Variants in EDIL3 observed in about 807,000 individuals in gnomAD.
The protein encoded by EDIL3 is EGF like and discoidin domains 3, also known as EGF-like repeat and discoidin I-like domain-containing protein 3.
EDIL3 carries 37 observed loss-of-function variants against 67.4 expected under a neutral mutation model. That is an observed-to-expected ratio of 0.55 (90% CI 0.42 to 0.72). The LOEUF (loss-of-function observed/expected upper bound fraction) is 0.72. Among genes scored for constraint, EDIL3 ranks in the 30% least tolerant of loss-of-function variants. The pLI is 0.00. For missense variants in EDIL3, 527 were observed against 586.3 expected, an observed-to-expected ratio of 0.90 and a Z score of 1.04; for synonymous variants, 195 against 196.3, an observed-to-expected ratio of 0.99 and a Z score of 0.05.
chr5:83,979,761 A>C (rs1220333769), intron 9 of EDIL3, among the ~76,000 whole-genome samples: 1 of 152,136 alleles, frequency 6.6e-6, no homozygotes, highest in African/African-American at 2.4e-5. Flanking sequence ...CAACTGTCCC[A>C]GGACCTCCTG....
At chr5:84,368,120 C>T (rs1425365120) in intron 1 of EDIL3, among the ~76,000 whole-genome samples, 5 of 152,044 alleles carry the variant, frequency 3.3e-5, no homozygotes, top group African/African-American at 1.2e-4. Context: ...TCAGAGGATG[C>T]TTTTTTACAA....
At chr5:84,136,938 G>A (rs934985472) in intron 5 of EDIL3, among the ~76,000 whole-genome samples, 9 of 152,002 alleles carry the variant, frequency 5.9e-5, no homozygotes, top group African/African-American at 1.9e-4. Flanking sequence ...TGGAACTTGA[G>A]TATCTGAGGA....
At chr5:84,382,969 G>A (rs1424453837) in intron 1 of EDIL3, among the ~76,000 whole-genome samples, 3 of 152,158 alleles carry the variant, frequency 2.0e-5, no homozygotes, top group Non-Finnish European at 4.4e-5. Flanking sequence ...GGCTTCTTGG[G>A]CGAACAGTCG....
At chr5:84,354,292 A>G (rs1580096690) in intron 1 of EDIL3, among the ~76,000 whole-genome samples, 1 of 152,098 alleles carries the variant, frequency 6.6e-6, no homozygotes, top group Non-Finnish European at 1.5e-5. Context: ...AATGTCTCTA[A>G]CTGCCAATGA....
chr5:84,114,573 G>A (rs890923752), intron 5 of EDIL3, among the ~76,000 whole-genome samples: 1 of 152,128 alleles, frequency 6.6e-6, no homozygotes, highest in Non-Finnish European at 1.5e-5. Context: ...TTGCTTCTTT[G>A]TATTGGGGTA....
At chr5:84,182,898 A>G (rs1420662971) in intron 3 of EDIL3, among the ~76,000 whole-genome samples, 1 of 152,204 alleles carries the variant, frequency 6.6e-6, no homozygotes, top group Non-Finnish European at 1.5e-5. Flanking sequence ...TATCAATTAA[A>G]TTATCTAACA....
chr5:84,087,770 T>C lies in EDIL3; in HGVS notation c.651+18879A>G, dbSNP rs139854450. 7.6e-4 allele frequency among the ~76,000 whole-genome samples: 116 copies of C among 152,290 alleles called. 2 individuals carry two copies. The highest frequency in any genetic ancestry group is 2.8e-3 in the African/African-American group (116 of 41,568). ...AAAAGAACAAGAAGCTGTGAAAATA[T>C]ATATTAGAATGGAATCTAGTTGAGG... is the stretch of plus-strand genomic sequence containing the variant. On this transcript the variant is annotated intron_variant, in intron 6 of 10. Coordinates refer to ENST00000296591, the MANE Select transcript of EDIL3 (RefSeq NM_005711.5).
chr5:84,256,148 C>CTATCATCTATCT (rs3046886), intron 1 of EDIL3, among the ~76,000 whole-genome samples: 4 of 146,544 alleles, frequency 2.7e-5, no homozygotes, highest in East Asian at 2.1e-4. Context: ...ATCTATCTAT[C>CTATCATCTATCT]ATCTATCTAT....
Position 83,963,205 on chromosome 5 carries a change from CTT to C in EDIL3, c.1291_1292del (p.Lys431GlyfsTer7). The C allele has an allele frequency of 6.3e-7, 1 of 1,588,880 alleles. No homozygotes were observed. Among genetic ancestry groups the C allele is most frequent in the Non-Finnish European group, 8.5e-7 (1 of 1,169,972 alleles). ...TTATAAACCGATTTGGCTGACTTACCTTATCTTTTCTTTGCTTTTCATCCTGG... is the reference window on the plus strand; with the variant it reads ...TTATAAACCGATTTGGCTGACTTACCATCTTTTCTTTGCTTTTCATCCTGG... ...VYQDEKQRKDKVFQGNFDNDT... is the reference protein window; with the variant it reads ...VYQDEKQRKDXVFQGNFDNDT... On this transcript the variant is annotated frameshift_variant and splice_region_variant, in exon 10 of 11. Transcript: ENST00000296591. LOFTEE classifies it high-confidence loss of function.
At chr5:84,302,876 A>G (rs531718418) in intron 1 of EDIL3, among the ~76,000 whole-genome samples, 37 of 152,364 alleles carry the variant, frequency 2.4e-4, no homozygotes, top group African/African-American at 8.7e-4. Context: ...TAGCAGAAAT[A>G]GTAAAAATAT....
intron 6 of EDIL3, among the ~76,000 whole-genome samples, chr5:84,093,350 A>G (rs538153328): frequency 6.6e-6 from 1 of 152,286 alleles, no homozygotes; most frequent in Admixed American, 6.5e-5. Context: ...GCAAACAATG[A>G]CTATAAAGGT....
intron 1 of EDIL3, among the ~76,000 whole-genome samples, chr5:84,370,375 T>A (rs1377249416): frequency 6.6e-6 from 1 of 152,190 alleles, no homozygotes; most frequent in Admixed American, 6.5e-5. Context: ...CTTCTGCTTT[T>A]AGCAGGTGTG....
chr5:84,085,368 G>C (rs948750968), intron 6 of EDIL3, among the ~76,000 whole-genome samples: 2 of 152,092 alleles, frequency 1.3e-5, no homozygotes, highest in Non-Finnish European at 2.9e-5. Context: ...TTTTTGTGTG[G>C]GGGTCTTTTT....
chr5:84,092,063 C>T (rs1020188089), intron 6 of EDIL3, among the ~76,000 whole-genome samples: 1 of 151,980 alleles, frequency 6.6e-6, no homozygotes, highest in Admixed American at 6.6e-5. Flanking sequence ...GTCCTAAGTG[C>T]CAGAAATAGG....
chr5:84,224,639 T>C (rs1744413516), intron 3 of EDIL3, among the ~76,000 whole-genome samples: 1 of 151,462 alleles, frequency 6.6e-6, no homozygotes, highest in Non-Finnish European at 1.5e-5. Flanking sequence ...TTCAGGTGAA[T>C]GTTGTTAATT....
chr5:84,060,673 C>A (rs772013051), intron 8 of EDIL3, among the ~76,000 whole-genome samples, 189 bp from the exon 9 acceptor site: 3 of 152,076 alleles, frequency 2.0e-5, no homozygotes, highest in Non-Finnish European at 4.4e-5. Context: ...ACAAGATAGT[C>A]AATTCAAGCT....
intron 1 of EDIL3, among the ~76,000 whole-genome samples, chr5:84,359,362 A>AC (rs1407122337): frequency 4.6e-5 from 7 of 152,246 alleles, no homozygotes; most frequent in African/African-American, 1.4e-4. Flanking sequence ...ACAACATATT[A>AC]CTAATATTAA....
At chr5:84,252,545 C>G (rs918212683) in intron 2 of EDIL3, among the ~76,000 whole-genome samples, 1 of 132,242 alleles carries the variant, frequency 7.6e-6, no homozygotes, top group Non-Finnish European at 1.6e-5. Context: ...ATTTCTTAAT[C>G]ATTTACCTAC....
intron 1 of EDIL3, among the ~76,000 whole-genome samples, chr5:84,297,009 C>T (rs749004203): frequency 2.6e-5 from 4 of 151,944 alleles, no homozygotes; most frequent in African/African-American, 4.8e-5. Context: ...GGTGAAACCC[C>T]GTCTCCACTA....
Sources: gnomAD v4.1 joint callset for allele counts (sites outside exome capture counted in the v4.1 genomes callset) on GRCh38, gnomAD v4.1.1 for gene constraint, MANE v1.5 for transcripts, NCBI Gene and HGNC (gene_info 2026-07-23, HGNC 2026-07-21) for gene names.